Variants in SLC25A26 observed in about 807,000 individuals in gnomAD.
SLC25A26 encodes mitochondrial S-adenosylmethionine carrier protein.
SLC25A26 carries 36 observed loss-of-function variants against 37.8 expected under a neutral mutation model. The ratio of observed to expected loss-of-function variants is 0.95; its 90% CI spans 0.73 to 1.26. The LOEUF (loss-of-function observed/expected upper bound fraction) is 1.26. SLC25A26 is among the 50% of genes most tolerant of loss of function. The pLI is 0.00. For missense variants in SLC25A26, 390 were observed against 331.1 expected (o/e 1.18, Z -1.38); for synonymous variants, 129 against 122.5 (o/e 1.05, Z -0.35).
At chr3:66,313,658 A>G (rs1182947827) in intron 5 of SLC25A26, among the ~76,000 whole-genome samples, 3 of 152,136 alleles carry the variant, frequency 2.0e-5, no homozygotes, top group Admixed American at 6.5e-5. Flanking sequence ...TCTGTGAAGA[A>G]TGTTAATGGT....
At chr3:66,194,751 G>A (rs1238526371) in intron 1 of SLC25A26, among the ~76,000 whole-genome samples, 1 of 152,200 alleles carries the variant, frequency 6.6e-6, no homozygotes, top group Non-Finnish European at 1.5e-5. Flanking sequence ...ACAGGCATGC[G>A]CCACCACGCC....
At chr3:66,282,532 G>T (rs987002866) in intron 5 of SLC25A26, among the ~76,000 whole-genome samples, 2 of 152,156 alleles carry the variant, frequency 1.3e-5, no homozygotes, top group African/African-American at 4.8e-5. Flanking sequence ...CCTGTAATCA[G>T]CCCCTCCCCA....
chr3:66,140,405 G>A (rs986479575), intron 1 of SLC25A26, among the ~76,000 whole-genome samples: 1 of 152,086 alleles, frequency 6.6e-6, no homozygotes, highest in Admixed American at 6.6e-5. Flanking sequence ...AGGAGAGGGT[G>A]GCTCCTCAAA....
intron 5 of SLC25A26, among the ~76,000 whole-genome samples, chr3:66,282,044 G>A (rs1365348610): frequency 8.3e-6 from 1 of 120,998 alleles, no homozygotes; most frequent in Non-Finnish European, 1.6e-5. Flanking sequence ...TCGCTCTGTC[G>A]CCCAGGCCGG....
At chr3:66,297,330 A>T (rs1355729065) in intron 5 of SLC25A26, among the ~76,000 whole-genome samples, 1 of 34,612 alleles carries the variant, frequency 2.9e-5, no homozygotes. Context: ...CTCCATCTCA[A>T]AAAAAAAAAA....
intron 3 of SLC25A26, among the ~76,000 whole-genome samples, chr3:66,257,940 T>G (rs1013667171): frequency 1.3e-5 from 2 of 152,220 alleles, no homozygotes; most frequent in Non-Finnish European, 2.9e-5. Context: ...GCTCTGCCAG[T>G]CTCCATTTGA....
At chr3:66,373,160 T>A (rs1013900513) in intron 9 of SLC25A26, among the ~76,000 whole-genome samples, 1 of 152,132 alleles carries the variant, frequency 6.6e-6, no homozygotes, top group Admixed American at 6.5e-5. Flanking sequence ...ATCAGCTGGC[T>A]TTCTGTTTTT....
chr3:66,245,292 G>A (rs1220779550), intron 3 of SLC25A26, among the ~76,000 whole-genome samples: 1 of 150,610 alleles, frequency 6.6e-6, no homozygotes, highest in African/African-American at 2.4e-5. Context: ...TAATGCAGAG[G>A]AGAAATGTAT....
chr3:66,243,075 T>C (rs901311843), intron 2 of SLC25A26, 128 bp from the exon 3 acceptor site: 5 of 567,330 alleles, frequency 8.8e-6, no homozygotes, highest in African/African-American at 3.8e-5. Context: ...AGAAAAGATA[T>C]GTGCTTATCA....
chr3:66,163,304 C>T (rs1294693200), intron 1 of SLC25A26, among the ~76,000 whole-genome samples: 4 of 152,148 alleles, frequency 2.6e-5, no homozygotes, highest in Non-Finnish European at 5.9e-5. Flanking sequence ...TTTCTGTTGT[C>T]GTTTCAAGAG....
intron 5 of SLC25A26, among the ~76,000 whole-genome samples, chr3:66,277,628 A>T (rs1413922488): frequency 1.3e-5 from 2 of 152,128 alleles, no homozygotes; most frequent in Admixed American, 1.3e-4. Context: ...TTTGTCATTT[A>T]TTTTAAAAAA....
chr3:66,248,490 A>G (rs2072945847), intron 3 of SLC25A26, among the ~76,000 whole-genome samples: 2 of 152,174 alleles, frequency 1.3e-5, no homozygotes, highest in South Asian at 4.1e-4. Context: ...TAACATTCTA[A>G]TGGTAGTGAT....
At chr3:66,356,448 A>G (rs2076577896) in intron 6 of SLC25A26, among the ~76,000 whole-genome samples, 1 of 152,186 alleles carries the variant, frequency 6.6e-6, no homozygotes, top group Non-Finnish European at 1.5e-5. Context: ...CCTAAAGAAT[A>G]ATACAAATAC....
chr3:66,206,702 G>A (rs1001936004), intron 1 of SLC25A26, among the ~76,000 whole-genome samples: 11 of 147,600 alleles, frequency 7.5e-5, no homozygotes, highest in Non-Finnish European at 1.7e-4. Context: ...GTACTTACAG[G>A]TTCTTTTTTT....
chr3:66,298,810 G>A (rs1307209536), intron 5 of SLC25A26, among the ~76,000 whole-genome samples: 1 of 152,204 alleles, frequency 6.6e-6, no homozygotes, highest in Non-Finnish European at 1.5e-5. Flanking sequence ...GGATGACGTT[G>A]CTATTTGGAG....
chr3:66,375,259 C>T (rs781598482), intron 9 of SLC25A26, among the ~76,000 whole-genome samples: 1 of 152,236 alleles, frequency 6.6e-6, no homozygotes, highest in Non-Finnish European at 1.5e-5. Flanking sequence ...AAGAAGTCAT[C>T]TCTGTAACAC....
chr3:66,139,965 C>CA (rs1156819526), intron 1 of SLC25A26, among the ~76,000 whole-genome samples: 2 of 152,238 alleles, frequency 1.3e-5, no homozygotes, highest in African/African-American at 2.4e-5. Context: ...TTGTAGGTGA[C>CA]AAAAAACCCA....
upstream of SLC25A26, among the ~76,000 whole-genome samples, chr3:66,216,079 T>G (rs2071356657): frequency 6.6e-6 from 1 of 152,304 alleles, no homozygotes; most frequent in African/African-American, 2.4e-5. Context: ...TTACGAAGAC[T>G]TTAGTCATAT....
At chr3:66,263,953 C>T (rs748854549) in intron 5 of SLC25A26, among the ~76,000 whole-genome samples, 10 of 152,000 alleles carry the variant, frequency 6.6e-5, no homozygotes, top group Admixed American at 1.3e-4. Flanking sequence ...TCGCCGCGCC[C>T]GGCCTCCCGG....
Sources: gnomAD v4.1 joint callset for allele counts (sites outside exome capture counted in the v4.1 genomes callset) on GRCh38, gnomAD v4.1.1 for gene constraint, MANE v1.5 for transcripts, NCBI Gene and HGNC (gene_info 2026-07-23, HGNC 2026-07-21) for gene names.